Variants in FLNB observed in about 807,000 individuals in gnomAD.
FLNB encodes filamin B.
FLNB carries 111 observed loss-of-function variants against 250.6 expected under a neutral mutation model. The observed-to-expected ratio is 0.44, with a 90% CI of 0.38 to 0.52. FLNB has a LOEUF of 0.52. FLNB is among the 20% of genes least tolerant of loss of function. FLNB has a pLI of 0.00. For missense variants in FLNB, 2,869 were observed against 3,447.8 expected (o/e 0.83, Z 4.20); for synonymous variants, 1,302 against 1,372.1 (o/e 0.95, Z 1.13).
chr3:58,136,746 C>CTTTTTTTT lies in FLNB; in HGVS notation c.4861+594_4861+601dup, dbSNP rs57053256. ...CAACTATTGACTGTCACAGGCCATTCTTTTTTTTTTTTTTTTTTTTTTTGA... is the reference window on the plus strand; with the variant it reads ...CAACTATTGACTGTCACAGGCCATTCTTTTTTTTTTTTTTTTTTTTTTTTTTTTTTTGA... On this transcript the variant is annotated intron_variant, in intron 28 of 45. Transcript: ENST00000295956. 6.2e-3 allele frequency among the ~76,000 whole-genome samples: 497 copies of CTTTTTTTT among 79,812 alleles called. 53 individuals are homozygous for CTTTTTTTT. The highest frequency in any genetic ancestry group is 0.033 in the East Asian group (69 of 2,114). 52.4% of individuals were successfully genotyped at this position (79,812 alleles called of 152,430 possible). A position where few individuals can be genotyped will look rare whatever the true frequency, so the allele number is the denominator to read the frequency against.
chr3:58,071,176 A>G (rs1333117352), intron 1 of FLNB, among the ~76,000 whole-genome samples: 1 of 143,658 alleles, frequency 7.0e-6, no homozygotes, highest in East Asian at 2.0e-4. Context: ...CTGGTCTTGA[A>G]CTCCTGGGCT....
At chr3:58,082,343 C>G (rs993559852) in intron 4 of FLNB, among the ~76,000 whole-genome samples, 7 of 152,174 alleles carry the variant, frequency 4.6e-5, no homozygotes, top group African/African-American at 1.4e-4. Context: ...TTCAAGCACA[C>G]TAGCTTTGTG....
chr3:58,032,475 C>T (rs2097132392), intron 1 of FLNB, among the ~76,000 whole-genome samples: 1 of 152,212 alleles, frequency 6.6e-6, no homozygotes, highest in Non-Finnish European at 1.5e-5. Context: ...AGAAGCTTGC[C>T]TCTGGGAGCG....
intron 4 of FLNB, among the ~76,000 whole-genome samples, chr3:58,093,633 TCACACACA>T (rs3060336): frequency 0.43 from 64,826 of 149,460 alleles, 15,403 homozygotes; most frequent in East Asian, 0.92. Flanking sequence ...ATACTTATGT[TCACACACA>T]CACACACACA....
At chr3:58,116,020 C>G (rs1215756819) in intron 18 of FLNB, among the ~76,000 whole-genome samples, 1 of 151,992 alleles carries the variant, frequency 6.6e-6, no homozygotes. Flanking sequence ...AGAGCCTGGC[C>G]CTATAAGTGC....
At chr3:58,014,088 C>T (rs2097102505) in intron 1 of FLNB, among the ~76,000 whole-genome samples, 1 of 152,106 alleles carries the variant, frequency 6.6e-6, no homozygotes, top group Non-Finnish European at 1.5e-5. Flanking sequence ...GTGCTTGGCA[C>T]AGTTTATGGT....
intron 4 of FLNB, among the ~76,000 whole-genome samples, chr3:58,088,536 A>G (rs1205280096): frequency 6.6e-6 from 1 of 152,106 alleles, no homozygotes; most frequent in East Asian, 1.9e-4. Flanking sequence ...GGATCTTGGG[A>G]CTCGAGGAAT....
chr3:58,102,209 A>T lies in FLNB; in HGVS notation c.1352A>T (p.Asn451Ile), dbSNP rs780463201. ...PFVVQVGEAC[N>I]PNACRASGRG... The stretch of plus-strand genomic sequence containing the variant: ...GTCAAAACTGTGCTTGCAGCCTGCA[A>T]TCCAAATGCCTGCCGGGCCAGTGGC... Residue 451 changes from asparagine to isoleucine, a missense_variant, in exon 9 of 46, where the codon AAT becomes ATT. This residue lies in a region of FLNB where 1,348 missense variants were observed against 1,466.7 expected (regional missense o/e 0.92). Transcript: ENST00000295956. 8.7e-6 allele frequency: 14 copies of T among 1,614,116 alleles called. No individual in the cohort carries two copies. In the Admixed American group the frequency reaches 1.0e-4, roughly 12 times the overall value.
At chr3:58,046,402 T>C (rs537149605) in intron 1 of FLNB, among the ~76,000 whole-genome samples, 8 of 152,234 alleles carry the variant, frequency 5.3e-5, no homozygotes, top group Middle Eastern at 3.4e-3. Context: ...AAGTATGCAA[T>C]TTTTAGTATA....
At chr3:58,060,956 G>A (rs922015143) in intron 1 of FLNB, among the ~76,000 whole-genome samples, 1 of 152,084 alleles carries the variant, frequency 6.6e-6, no homozygotes, top group Non-Finnish European at 1.5e-5. Flanking sequence ...GCTTGTCCAG[G>A]ACGGGTGTGT....
intron 4 of FLNB, 24 bp from the exon 5 acceptor site, chr3:58,094,812 C>T: frequency 6.3e-7 from 1 of 1,597,044 alleles, no homozygotes; most frequent in Non-Finnish European, 8.6e-7. Context: ...TGGCTTCTAA[C>T]ATGTCTGTGT....
At chr3:58,170,490 A>C (rs916468136) in intron 45 of FLNB, 85 bp from the exon 46 acceptor site, 1 of 1,363,924 alleles carries the variant, frequency 7.3e-7, no homozygotes, top group Non-Finnish European at 1.0e-6. Flanking sequence ...TCGTGGAAGC[A>C]CCTTACCTTT....
At position 58,077,174 on chromosome 3, in the gene FLNB, C is replaced by A; in HGVS notation, c.421C>A (p.Pro141Thr). The change falls in exon 2 of 46, where the codon CCA (proline) becomes ACA (threonine). Residue 141 changes from proline to threonine, a missense_variant. Physicochemically the swap from Pro to Thr is conservative, Grantham distance 38. This residue lies in a region of FLNB where 308 missense variants were observed against 466.1 expected (regional missense o/e 0.66). Coordinates refer to ENST00000295956, the MANE Select transcript of FLNB (RefSeq NM_001457.4). Reference protein sequence around the residue: ...EGDDDAKKQTPKQRLLGWIQN... With the variant: ...EGDDDAKKQTTKQRLLGWIQN... Reference sequence around the variant, plus strand: ...GGATGATGATGCCAAGAAGCAGACGCCAAAGCAGAGGCTGCTGGGGTGGAT... The same window carrying A: ...GGATGATGATGCCAAGAAGCAGACGACAAAGCAGAGGCTGCTGGGGTGGAT... The A allele has an allele frequency of 6.2e-7, 1 of 1,614,050 alleles. No homozygotes were observed. The highest frequency in any genetic ancestry group is 8.5e-7 in the Non-Finnish European group (1 of 1,180,002).
chr3:58,059,797 C>T (rs901486501), intron 1 of FLNB, among the ~76,000 whole-genome samples: 1 of 152,092 alleles, frequency 6.6e-6, no homozygotes, highest in Non-Finnish European at 1.5e-5. Flanking sequence ...ATGATGTAAC[C>T]CTCAGCATTT....
chr3:58,140,703 G>A (rs2097325439), intron 29 of FLNB, among the ~76,000 whole-genome samples: 1 of 152,068 alleles, frequency 6.6e-6, no homozygotes, highest in South Asian at 2.1e-4. Flanking sequence ...CCACCTCCTG[G>A]GTTTAAGCGA....
Position 58,156,021 on chromosome 3 carries a change from G to A in FLNB, c.6834G>A (p.Val2278=), listed in dbSNP as rs1294906664. Residue 2278 remains valine, a synonymous_variant, in exon 41 of 46, where the codon GTG becomes GTA. Transcript: ENST00000295956. ...ACATCCCGGAAAGCCCCTACCTGGT[G>A]CCGGTCATCGCACCCTCCGACGACG... is the stretch of plus-strand genomic sequence containing the variant. ...DEHIPESPYL[V]PVIAPSDDAR... is the part of the protein sequence containing the mutation. 2.5e-6 allele frequency: 4 copies of A among 1,614,024 alleles called. No homozygotes were observed. The Admixed American group carries it at 5.0e-5, about 20-fold the overall frequency.
In FLNB at chr3:58,141,713, G is replaced by T. The variant is rs567175645; in HGVS notation, c.5110-145G>T. On this transcript the variant is annotated intron_variant, in intron 29 of 45. Coordinates refer to ENST00000295956, the MANE Select transcript of FLNB (RefSeq NM_001457.4). Reference sequence around the variant, plus strand: ...GAGGACACCAACTGCCTTCCAAAAGGGCAGTAAGAAAGTGTCCTTCGCTAG... The same window carrying T: ...GAGGACACCAACTGCCTTCCAAAAGTGCAGTAAGAAAGTGTCCTTCGCTAG... The T allele has an allele frequency of 5.1e-6, 4 of 782,430 alleles. No individual in the cohort carries two copies. The East Asian group carries it at 7.7e-5, about 15-fold the overall frequency. 48.5% of individuals were successfully genotyped at this position (782,430 alleles called of 1,614,324 possible).
Position 58,108,469 on chromosome 3 carries a change from C to A in FLNB, c.1953C>A (p.Tyr651Ter). Residue 651 changes from tyrosine to a stop codon, truncating the protein, a stop_gained, in exon 13 of 46, where the codon TAC becomes TAA. Transcript: ENST00000295956. LOFTEE classifies it high-confidence loss of function. ...TGCCTTTGCTTCAGGTTCGAGCATACGGGCCAGGTTTGGAGAAATCTGGAT... is the reference window on the plus strand; with the variant it reads ...TGCCTTTGCTTCAGGTTCGAGCATAAGGGCCAGGTTTGGAGAAATCTGGAT... ...GGYNPDLVRA[Y>*]GPGLEKSGCI... 1 of 1,611,896 alleles carries A rather than the reference C, an allele frequency of 6.2e-7. No homozygotes were observed. Among genetic ancestry groups the A allele is most frequent in the Non-Finnish European group, 8.5e-7 (1 of 1,178,016 alleles).
chr3:58,017,395 C>T (rs890800016), intron 1 of FLNB, among the ~76,000 whole-genome samples: 8 of 152,202 alleles, frequency 5.3e-5, no homozygotes, highest in African/African-American at 1.9e-4. Context: ...GGATTACAGG[C>T]ATGCGCCATC....
Sources: allele counts gnomAD v4.1 joint callset (sites outside exome capture counted in the v4.1 genomes callset), GRCh38; gene constraint gnomAD v4.1.1; regional missense constraint gnomAD v4.1.1; transcripts MANE v1.5; gene names NCBI Gene and HGNC (gene_info 2026-07-23, HGNC 2026-07-21).